Variants in BACH2 observed in about 807,000 individuals in gnomAD.
BACH2 encodes BACH transcriptional regulator 2, also known as transcription regulator protein BACH2.
In BACH2, 5 loss-of-function variants were observed where a neutral mutation model predicts 61.8. That is an observed-to-expected ratio of 0.08 (90% confidence interval 0.04 to 0.17). BACH2 has a LOEUF of 0.17. Ranked by LOEUF, BACH2 falls within the 10% of genes least tolerant of loss-of-function variation. BACH2 has a pLI of 1.00. For synonymous variants in BACH2, 446 were observed against 440.1 expected (o/e 1.01, Z -0.17); for missense variants, 824 against 1,091.1 (o/e 0.76, Z 3.45).
At chr6:90,191,169 C>T (rs148495597) in intron 4 of BACH2, among the ~76,000 whole-genome samples, 1 of 152,306 alleles carries the variant, frequency 6.6e-6, no homozygotes, top group East Asian at 1.9e-4. Flanking sequence ...ACCTGCATAA[C>T]CTGGCCACAT....
At chr6:90,028,569 C>A (rs1199992032) in intron 5 of BACH2, among the ~76,000 whole-genome samples, 1 of 152,176 alleles carries the variant, frequency 6.6e-6, no homozygotes, top group Non-Finnish European at 1.5e-5. Flanking sequence ...TGAACCATGA[C>A]CACAATGCTA....
Position 89,962,039 on chromosome 6 carries a change from TTCAG to T in BACH2, c.244-10181_244-10178del, listed in dbSNP as rs559849095. 2.4e-4 allele frequency among the ~76,000 whole-genome samples: 37 copies of T among 152,344 alleles called. No homozygotes were observed. The South Asian group carries it at 4.1e-3, about 17-fold the overall frequency. On this transcript the variant is annotated intron_variant, in intron 6 of 8. Coordinates refer to ENST00000257749, the MANE Select transcript of BACH2 (RefSeq NM_021813.4). ...ATCATTCCTATTATAAAAACTACTA[TTCAG>T]TCAAATTTTTAAAGATCCACTTTCT...
chr6:90,047,988 T>G (rs1315013747), intron 5 of BACH2, among the ~76,000 whole-genome samples: 1 of 152,224 alleles, frequency 6.6e-6, no homozygotes, highest in Non-Finnish European at 1.5e-5. Context: ...CCTGTCTAGA[T>G]GATAAGAGGC....
intron 3 of BACH2, among the ~76,000 whole-genome samples, chr6:90,221,637 T>C (rs1233684034): frequency 6.6e-6 from 1 of 151,952 alleles, no homozygotes; most frequent in African/African-American, 2.4e-5. Context: ...TGAGAGACAC[T>C]ATATGGGAAG....
intron 1 of BACH2, among the ~76,000 whole-genome samples, chr6:90,272,296 T>C (rs1771550983): frequency 6.6e-6 from 1 of 152,106 alleles, no homozygotes; most frequent in Admixed American, 6.5e-5. Flanking sequence ...CTCTCTCTCC[T>C]GCTTCGCCTG....
At chr6:90,178,755 A>G (rs1437173117) in intron 4 of BACH2, among the ~76,000 whole-genome samples, 4 of 152,234 alleles carry the variant, frequency 2.6e-5, no homozygotes, top group Non-Finnish European at 4.4e-5. Context: ...GTGCTGCATC[A>G]ATACTTGCTT....
At chr6:89,948,496 CCATG>C (rs1198651372) in intron 7 of BACH2, among the ~76,000 whole-genome samples, 1 of 152,188 alleles carries the variant, frequency 6.6e-6, no homozygotes, top group Non-Finnish European at 1.5e-5. Flanking sequence ...GCCTGAGCCA[CCATG>C]CCCGGCCCCA....
At chr6:90,266,845 G>A (rs1014245047) in intron 2 of BACH2, among the ~76,000 whole-genome samples, 5 of 152,054 alleles carry the variant, frequency 3.3e-5, no homozygotes, top group Non-Finnish European at 4.4e-5. Flanking sequence ...CCAGTCGCAC[G>A]GCACTGTAAA....
At chr6:90,010,651 CTT>C (rs1252354536) in intron 5 of BACH2, among the ~76,000 whole-genome samples, 1 of 152,150 alleles carries the variant, frequency 6.6e-6, no homozygotes, top group Non-Finnish European at 1.5e-5. Context: ...GTAAGCATAA[CTT>C]TTAAAGAGTC....
At chr6:90,255,585 G>A (rs576731238) in intron 2 of BACH2, among the ~76,000 whole-genome samples, 1 of 152,074 alleles carries the variant, frequency 6.6e-6, no homozygotes, top group African/African-American at 2.4e-5. Flanking sequence ...AGAGAAGAGG[G>A]AAGAAGAAAA....
chr6:90,042,266 C>G (rs372475352), intron 5 of BACH2, among the ~76,000 whole-genome samples: 1 of 152,236 alleles, frequency 6.6e-6, no homozygotes, highest in African/African-American at 2.4e-5. Flanking sequence ...AATCATGGGT[C>G]ACTGCAACCT....
chr6:90,095,650 G>A (rs1233836815), intron 4 of BACH2, among the ~76,000 whole-genome samples: 1 of 152,170 alleles, frequency 6.6e-6, no homozygotes, highest in East Asian at 1.9e-4. Flanking sequence ...AATAAAAAGT[G>A]TGATAGAAAT....
intron 5 of BACH2, among the ~76,000 whole-genome samples, chr6:90,058,500 C>T (rs2127797452): frequency 6.6e-6 from 1 of 152,268 alleles, no homozygotes; most frequent in African/African-American, 2.4e-5. Flanking sequence ...AAGAACATTC[C>T]ATGCTCATGG....
At chr6:89,998,833 T>C (rs188939686) in intron 6 of BACH2, among the ~76,000 whole-genome samples, 1 of 152,308 alleles carries the variant, frequency 6.6e-6, no homozygotes, top group Admixed American at 6.5e-5. Context: ...AAGGGCCTCT[T>C]TCAAAAGCTG....
chr6:90,239,249 G>T (rs1770356477), intron 3 of BACH2, among the ~76,000 whole-genome samples: 1 of 152,182 alleles, frequency 6.6e-6, no homozygotes, highest in Non-Finnish European at 1.5e-5. Context: ...ATTAGGGTTG[G>T]CGGATTTAGT....
intron 6 of BACH2, among the ~76,000 whole-genome samples, chr6:89,987,971 T>C (rs1470162399): frequency 6.6e-6 from 1 of 152,212 alleles, no homozygotes; most frequent in Non-Finnish European, 1.5e-5. Flanking sequence ...GAGAGCTCTC[T>C]TGAACTTCTC....
intron 4 of BACH2, among the ~76,000 whole-genome samples, chr6:90,204,819 A>G (rs757347059): frequency 2.6e-5 from 4 of 152,200 alleles, no homozygotes; most frequent in Non-Finnish European, 5.9e-5. Context: ...ACACCTGCCT[A>G]CTTTCCAGTA....
At chr6:90,001,070 A>G (rs1400933671) in intron 6 of BACH2, among the ~76,000 whole-genome samples, 1 of 152,064 alleles carries the variant, frequency 6.6e-6, no homozygotes, top group East Asian at 1.9e-4. Context: ...ATCCAGCCCC[A>G]ATCCATCATT....
At chr6:90,172,118 CA>C (rs1767833914) in intron 4 of BACH2, among the ~76,000 whole-genome samples, 1 of 151,894 alleles carries the variant, frequency 6.6e-6, no homozygotes, top group South Asian at 2.1e-4. Context: ...CCAGCCTGAC[CA>C]AAATGGGCAA....
Sources: allele counts gnomAD v4.1 joint callset (sites outside exome capture counted in the v4.1 genomes callset), GRCh38; gene constraint gnomAD v4.1.1; transcripts MANE v1.5; gene names NCBI Gene and HGNC (gene_info 2026-07-23, HGNC 2026-07-21).